The following C16orf78 variants were observed in gnomAD, a reference collection of about 807,000 sequenced individuals.
C16orf78 encodes the protein chromosome 16 open reading frame 78.
Under a neutral mutation model 27.3 loss-of-function variants are expected in C16orf78, and 19 were observed. The ratio of observed to expected loss-of-function variants is 0.70; its 90% CI spans 0.49 to 1.02. C16orf78 has a LOEUF of 1.02. C16orf78 is among the 50% of genes least tolerant of loss of function. The pLI is 0.00. For synonymous variants in C16orf78, 130 were observed against 116.1 expected, an observed-to-expected ratio of 1.12 and a Z score of -0.77; for missense variants, 339 against 337.0, an observed-to-expected ratio of 1.01 and a Z score of -0.05.
chr16:49,382,418 A>AT, intron 3 of C16orf78, among the ~76,000 whole-genome samples: 1 of 151,532 alleles, frequency 6.6e-6, no homozygotes. Flanking sequence ...GTATAATAAT[A>AT]AAATAAATAA....
intron 3 of C16orf78, 29 bp downstream of exon 3, chr16:49,378,622 C>T (rs952400148): frequency 6.2e-7 from 1 of 1,612,514 alleles, no homozygotes; most frequent in Non-Finnish European, 8.5e-7. Context: ...CCCCGGCCAC[C>T]AGAATCCTGC....
intron 3 of C16orf78, among the ~76,000 whole-genome samples, chr16:49,394,476 T>A (rs960736754): frequency 1.5e-5 from 2 of 129,330 alleles, no homozygotes; most frequent in Non-Finnish European, 3.0e-5. Flanking sequence ...TATCAGTTGA[T>A]GGCAAAAAAA....
chr16:49,378,385 G>A, intron 2 of C16orf78, 85 bp from the exon 3 acceptor site: 2 of 1,503,108 alleles, frequency 1.3e-6, no homozygotes, highest in Non-Finnish European at 1.8e-6. Flanking sequence ...GCAAACCCTT[G>A]AAATTGCTGT....
chr16:49,385,623 C>A (rs1408446070), intron 3 of C16orf78, among the ~76,000 whole-genome samples: 1 of 150,994 alleles, frequency 6.6e-6, no homozygotes, highest in Non-Finnish European at 1.5e-5. Flanking sequence ...CCATTGCACT[C>A]CAGCCTGGGT....
intron 1 of C16orf78, among the ~76,000 whole-genome samples, chr16:49,377,087 T>C (rs1596918188): frequency 6.6e-6 from 1 of 152,290 alleles, no homozygotes; most frequent in East Asian, 1.9e-4. Context: ...AGATCCCTAA[T>C]GACCCTGCCC....
Position 49,373,915 on chromosome 16 carries a change from C to T in C16orf78, c.-25C>T, listed in dbSNP as rs1411137797. The T allele has an allele frequency of 6.2e-7, 1 of 1,613,436 alleles. No individual in the cohort carries two copies. The highest frequency in any genetic ancestry group is 1.1e-5 in the South Asian group (1 of 90,910). ...GTGAGACAGTGCCAGCCACCTCCCA[C>T]CCAAGCCACTAGCAAGACTCCACAA... On this transcript the variant is annotated 5_prime_UTR_variant, in exon 1 of 5. Transcript: ENST00000299191.
At chr16:49,384,364 A>G (rs1462553816) in intron 3 of C16orf78, among the ~76,000 whole-genome samples, 1 of 150,022 alleles carries the variant, frequency 6.7e-6, no homozygotes, top group African/African-American at 2.5e-5. Flanking sequence ...AAAAAAAAAA[A>G]AAAAGCAGAA....
chr16:49,374,033 A>C lies in C16orf78; in HGVS notation c.94A>C (p.Thr32Pro). 1 of 1,614,168 alleles carries C rather than the reference A, an allele frequency of 6.2e-7. No individual in the cohort carries two copies. Among genetic ancestry groups the C allele is most frequent in the African/African-American group, 1.3e-5 (1 of 75,036 alleles). The change falls in exon 1 of 5, where the codon ACC becomes CCC. Residue 32 changes from threonine to proline, a missense_variant. By Grantham distance (38) the Thr-to-Pro change is conservative. Coordinates refer to ENST00000299191, the MANE Select transcript of C16orf78 (RefSeq NM_144602.4). ...TAEDRRMSDL[T>P]CVLEWLERRQ... is the part of the protein sequence containing the mutation. ...TGAAGATAGGCGCATGTCTGACCTC[A>C]CCTGTGTGCTGGAGTGGCTGGAGCG...
At chr16:49,388,041 T>C (rs1965370459) in intron 3 of C16orf78, among the ~76,000 whole-genome samples, 1 of 152,132 alleles carries the variant, frequency 6.6e-6, no homozygotes, top group South Asian at 2.1e-4. Context: ...TCCCAGCAAT[T>C]TGGGAGGCCG....
In C16orf78 at chr16:49,396,662, G is replaced by A. The variant is rs1567395593; in HGVS notation, c.634G>A (p.Glu212Lys). ...AACCATGAGGATGTTGAAGCCAGAGGAGGTGCTGAGCTGCCGGTGAGAGCT... is the reference window on the plus strand; with the variant it reads ...AACCATGAGGATGTTGAAGCCAGAGAAGGTGCTGAGCTGCCGGTGAGAGCT... ...METMRMLKPE[E>K]VLSCRYLRLS... The change falls in exon 4 of 5, where the codon GAG becomes AAG. Residue 212 changes from glutamate (E) to lysine (K), a missense_variant. Transcript: ENST00000299191. The A allele has an allele frequency of 1.9e-6, 3 of 1,608,958 alleles. No individual in the cohort carries two copies. The highest frequency in any genetic ancestry group is 2.5e-6 in the Non-Finnish European group (3 of 1,179,974).
rs757707851 is a variant in C16orf78, at chr16:49,399,321, G to A, written c.*43G>A. ...CACCTTCAGGCTCCTTCTGTCATGG[G>A]ACCCTTCACCTCCAGATGCCATCCT... On this transcript the variant is annotated 3_prime_UTR_variant, in exon 5 of 5. Coordinates refer to ENST00000299191, the MANE Select transcript of C16orf78 (RefSeq NM_144602.4). 6.2e-6 allele frequency: 10 copies of A among 1,606,538 alleles called. No individual in the cohort carries two copies. The East Asian group carries it at 8.9e-5, about 14-fold the overall frequency.
Position 49,399,304 on chromosome 16 carries a change from G to A in C16orf78, c.*26G>A, listed in dbSNP as rs763416790. On this transcript the variant is annotated 3_prime_UTR_variant, in exon 5 of 5. Coordinates refer to ENST00000299191, the MANE Select transcript of C16orf78 (RefSeq NM_144602.4). The stretch of plus-strand genomic sequence containing the variant: ...ATAGCTCCTCTCGCCACCACCTTCA[G>A]GCTCCTTCTGTCATGGGACCCTTCA... 1.2e-6 allele frequency: 2 copies of A among 1,612,316 alleles called. No homozygotes were observed. Among genetic ancestry groups the A allele is most frequent in the East Asian group, 2.2e-5 (1 of 44,854 alleles).
At chr16:49,374,498 G>T (rs191458832) in intron 1 of C16orf78, among the ~76,000 whole-genome samples, 2 of 152,304 alleles carry the variant, frequency 1.3e-5, no homozygotes, top group African/African-American at 4.8e-5. Context: ...ATGCTCTAAG[G>T]AAAAGGAGGC....
At chr16:49,377,708 G>T in intron 1 of C16orf78, 23 bp from the exon 2 acceptor site, 1 of 1,597,356 alleles carries the variant, frequency 6.3e-7, no homozygotes, top group Non-Finnish European at 8.5e-7. Flanking sequence ...TGGCTGCAGG[G>T]CTCTCTTCCC....
At position 49,377,990 on chromosome 16, in the gene C16orf78, CAAAT is replaced by C. The variant is rs139500566; in HGVS notation, c.270+144_270+147del. ...TTCACTCTGGCCCCACATTAACACT[CAAAT>C]AAAATCTCCACCCCTCCCTACCCTG... On this transcript the variant is annotated intron_variant, in intron 2 of 4. Coordinates refer to ENST00000299191, the MANE Select transcript of C16orf78 (RefSeq NM_144602.4). 1,420 of 1,209,278 alleles carry C rather than the reference CAAAT, an allele frequency of 1.2e-3. 16 individuals are homozygous for C. The African/African-American group carries it at 0.02, about 17-fold the overall frequency. The allele number at this position is 1,209,278 out of a possible 1,614,324, so 74.9% of individuals were successfully genotyped here.
intron 3 of C16orf78, among the ~76,000 whole-genome samples, chr16:49,389,243 C>CAAGCTGCTACT (rs1433394798): frequency 7.2e-5 from 11 of 151,970 alleles, no homozygotes; most frequent in Non-Finnish European, 1.6e-4. Context: ...GCCAACATGG[C>CAAGCTGCTACT]AAAACCCCGT....
Position 49,373,993 on chromosome 16 carries a change from C to T in C16orf78, c.54C>T (p.Tyr18=). The T allele has an allele frequency of 5.0e-6, 8 of 1,614,130 alleles. No homozygotes were observed. The highest frequency in any genetic ancestry group is 6.8e-6 in the Non-Finnish European group (8 of 1,180,008). ...LKDLMPTKRK[Y]MWKTAEDRRM... is the part of the protein sequence containing the mutation. Reference sequence around the variant, plus strand: ...ATTTAATGCCCACAAAGAGGAAATACATGTGGAAGACTGCTGAAGATAGGC... The same window carrying T: ...ATTTAATGCCCACAAAGAGGAAATATATGTGGAAGACTGCTGAAGATAGGC... The change falls in exon 1 of 5, where the codon TAC becomes TAT. Residue 18 remains tyrosine, a synonymous_variant. Transcript: ENST00000299191.
chr16:49,379,629 T>C (rs1238618015), intron 3 of C16orf78, among the ~76,000 whole-genome samples: 2 of 152,260 alleles, frequency 1.3e-5, no homozygotes, highest in Middle Eastern at 3.4e-3. Flanking sequence ...AATAGCACTT[T>C]AGGGGCATTA....
intron 3 of C16orf78, among the ~76,000 whole-genome samples, chr16:49,381,251 C>T (rs1207237901): frequency 1.3e-5 from 2 of 152,172 alleles, no homozygotes; most frequent in Admixed American, 1.3e-4. Flanking sequence ...AATATTGATT[C>T]TTCCTACCCA....
Sources: allele counts gnomAD v4.1 joint callset (sites outside exome capture counted in the v4.1 genomes callset), GRCh38; gene constraint gnomAD v4.1.1; transcripts MANE v1.5; gene names NCBI Gene and HGNC (gene_info 2026-07-23, HGNC 2026-07-21).